The following NRXN3 variants were observed in gnomAD, a reference collection of about 807,000 sequenced individuals.
The protein encoded by NRXN3 is neurexin 3.
NRXN3 carries 32 observed loss-of-function variants against 137.6 expected under a neutral mutation model. The ratio of observed to expected loss-of-function variants is 0.23; its 90% CI spans 0.18 to 0.31. The LOEUF (loss-of-function observed/expected upper bound fraction) is 0.31. NRXN3 is among the 10% of genes least tolerant of loss of function. The pLI is 1.00. For missense variants in NRXN3, 1,574 were observed against 2,062.5 expected, an observed-to-expected ratio of 0.76 and a Z score of 4.59; for synonymous variants, 798 against 784.5, an observed-to-expected ratio of 1.02 and a Z score of -0.29.
In NRXN3 at chr14:78,325,031, G is replaced by T. The variant is rs1158450451; in HGVS notation, c.757+27171G>T. On this transcript the variant is annotated intron_variant, in intron 4 of 20. Transcript: ENST00000335750. ...CATAGTATAAGAGGTCAGCAGTCAAGGACAGGAGGCCGAGGCAGGTAGGAA... is the reference window on the plus strand; with the variant it reads ...CATAGTATAAGAGGTCAGCAGTCAATGACAGGAGGCCGAGGCAGGTAGGAA... Among the ~76,000 whole-genome samples the T allele has an allele frequency of 2.0e-5, 3 of 151,994 alleles. 1 individual carries two copies. Among genetic ancestry groups the T allele is most frequent in the Admixed American group, 2.0e-4 (3 of 15,266 alleles).
chr14:78,651,293 T>G lies in NRXN3; in HGVS notation c.1188T>G (p.Pro396=). ...GTACCGCTGACTTGCCTGGCTCCCC[T>G]GTCAGCAACAACTTCATGGGCTGCC... ...SPSTADLPGS[P]VSNNFMGCLK... Residue 396 remains proline, a synonymous_variant, in exon 6 of 21, where the codon CCT becomes CCG. Coordinates refer to ENST00000335750, the MANE Select transcript of NRXN3 (RefSeq NM_001330195.2). 6.2e-7 allele frequency: 1 copy of G among 1,614,082 alleles called. No individual in the cohort carries two copies. Among genetic ancestry groups the G allele is most frequent in the South Asian group, 1.1e-5 (1 of 91,076 alleles).
At chr14:78,843,584 G>A (rs540353210) in intron 10 of NRXN3, among the ~76,000 whole-genome samples, 2 of 152,200 alleles carry the variant, frequency 1.3e-5, no homozygotes. Context: ...AAGATCAGTG[G>A]CAGAATTTGC....
At chr14:78,815,666 T>A (rs913104190) in intron 10 of NRXN3, among the ~76,000 whole-genome samples, 1 of 152,090 alleles carries the variant, frequency 6.6e-6, no homozygotes, top group Non-Finnish European at 1.5e-5. Flanking sequence ...TCTTTTACTC[T>A]GTCTTTCCTC....
chr14:79,130,357 C>G (rs1022836674), intron 15 of NRXN3, among the ~76,000 whole-genome samples: 1 of 152,048 alleles, frequency 6.6e-6, no homozygotes, highest in Non-Finnish European at 1.5e-5. Context: ...TTCAGGAGCT[C>G]TTTTAGGGCA....
chr14:79,491,882 GC>G (rs1435176954), intron 16 of NRXN3, among the ~76,000 whole-genome samples: 2 of 152,090 alleles, frequency 1.3e-5, no homozygotes, highest in African/African-American at 4.8e-5. Context: ...AATTTGTTTT[GC>G]TATTTAAAAA....
intron 4 of NRXN3, among the ~76,000 whole-genome samples, chr14:78,378,917 A>G (rs1003463782): frequency 5.3e-5 from 8 of 152,170 alleles, no homozygotes; most frequent in Non-Finnish European, 1.0e-4. Flanking sequence ...GAAATTGCCA[A>G]TATCAAAAAT....
At chr14:79,342,996 A>G (rs998348913) in intron 15 of NRXN3, among the ~76,000 whole-genome samples, 1 of 152,082 alleles carries the variant, frequency 6.6e-6, no homozygotes, top group Non-Finnish European at 1.5e-5. Flanking sequence ...CAGGTTGGCA[A>G]TGGAATCATA....
chr14:78,799,681 T>C (rs1035707872), intron 8 of NRXN3, among the ~76,000 whole-genome samples: 27 of 152,190 alleles, frequency 1.8e-4, no homozygotes, highest in Admixed American at 1.7e-3. Context: ...AAGAAAAATA[T>C]GTTTCATGGA....
At position 79,336,428 on chromosome 14, in the gene NRXN3, T is replaced by A. The variant is rs927997011; in HGVS notation, c.3263-130793T>A. On this transcript the variant is annotated intron_variant, in intron 15 of 20. Transcript: ENST00000335750. ...TGTCCTCTATAATATCAAGCATACT[T>A]TGGTGTCCACAGTTGGAGCTCTTTA... Among the ~76,000 whole-genome samples, 8 of 152,148 alleles carry A rather than the reference T, an allele frequency of 5.3e-5. No individual in the cohort carries two copies. In the East Asian group the frequency reaches 1.5e-3, roughly 29 times the overall value.
intron 10 of NRXN3, among the ~76,000 whole-genome samples, chr14:78,935,859 C>T (rs534192006): frequency 3.9e-5 from 6 of 152,184 alleles, no homozygotes; most frequent in Admixed American, 2.6e-4. Context: ...GTCCCCCCAC[C>T]TTCCATTCCT....
intron 4 of NRXN3, among the ~76,000 whole-genome samples, chr14:78,435,816 A>T (rs907942261): frequency 6.6e-6 from 1 of 152,236 alleles, no homozygotes; most frequent in Non-Finnish European, 1.5e-5. Context: ...GCACAACATC[A>T]CATTTGCTTC....
chr14:79,772,075 T>C (rs1039080586), intron 19 of NRXN3, among the ~76,000 whole-genome samples: 12 of 147,474 alleles, frequency 8.1e-5, no homozygotes, highest in Non-Finnish European at 1.8e-4. Flanking sequence ...ACAAGGGATG[T>C]GAAGGACCTC....
chr14:79,416,545 A>G (rs2095499993), intron 15 of NRXN3, among the ~76,000 whole-genome samples: 1 of 152,126 alleles, frequency 6.6e-6, no homozygotes, highest in Admixed American at 6.6e-5. Context: ...CTCTACTTGC[A>G]ACATAAATAC....
intron 10 of NRXN3, among the ~76,000 whole-genome samples, chr14:78,827,240 G>A (rs542022992): frequency 1.1e-4 from 17 of 147,832 alleles, no homozygotes; most frequent in African/African-American, 4.2e-4. Context: ...TACTATTGCT[G>A]CAGAAATCCT....
At position 79,768,713 on chromosome 14, in the gene NRXN3, C is replaced by A. The variant is rs566414153; in HGVS notation, c.4015-36399C>A. Among the ~76,000 whole-genome samples the A allele has an allele frequency of 6.6e-5, 10 of 152,316 alleles. No homozygotes were observed. In the South Asian group the frequency reaches 1.7e-3, roughly 25 times the overall value. ...AAACTGGAAACTCTTAAAAGCAGAG[C>A]GCCTCTCCTCCTCCAAAGGAATGCA... On this transcript the variant is annotated intron_variant, in intron 19 of 20. Transcript: ENST00000335750.
intron 19 of NRXN3, among the ~76,000 whole-genome samples, chr14:79,781,335 A>T (rs2099113135): frequency 6.6e-6 from 1 of 152,208 alleles, no homozygotes; most frequent in South Asian, 2.1e-4. Flanking sequence ...TAGTGGTAGT[A>T]TGATACGGGA....
At chr14:79,041,146 T>C (rs571291750) in intron 15 of NRXN3, among the ~76,000 whole-genome samples, 1 of 152,334 alleles carries the variant, frequency 6.6e-6, no homozygotes, top group East Asian at 1.9e-4. Context: ...TTGGGCTATG[T>C]GCTTAAAAAA....
intron 16 of NRXN3, among the ~76,000 whole-genome samples, chr14:79,522,974 C>G (rs1192550438): frequency 6.8e-6 from 1 of 147,292 alleles, no homozygotes; most frequent in Admixed American, 6.8e-5. Context: ...CTTCTCAATT[C>G]TTTTTTTTGG....
At chr14:79,325,453 A>G (rs2090714660) in intron 15 of NRXN3, among the ~76,000 whole-genome samples, 1 of 152,208 alleles carries the variant, frequency 6.6e-6, no homozygotes, top group Non-Finnish European at 1.5e-5. Flanking sequence ...TAATCCTGGT[A>G]GATTCTAAAA....
Sources: allele counts gnomAD v4.1 joint callset (sites outside exome capture counted in the v4.1 genomes callset), GRCh38; gene constraint gnomAD v4.1.1; transcripts MANE v1.5; gene names NCBI Gene and HGNC (gene_info 2026-07-23, HGNC 2026-07-21).